FCHO2: variants seen among roughly 807,000 people sequenced by gnomAD.
FCHO2 encodes the protein FCH and mu domain containing endocytic adaptor 2.
In FCHO2, 43 loss-of-function variants were observed where a neutral mutation model predicts 114.1. The ratio of observed to expected loss-of-function variants is 0.38; its 90% confidence interval spans 0.30 to 0.49. The LOEUF (loss-of-function observed/expected upper bound fraction) is 0.49, where lower values mean the gene tolerates loss of function less well. Ranked by LOEUF, FCHO2 falls within the 20% of genes least tolerant of loss-of-function variation. The pLI is 0.97. For synonymous variants in FCHO2, 293 were observed against 315.2 expected, an observed-to-expected ratio of 0.93 and a Z score of 0.75; for missense variants, 807 against 950.4, an observed-to-expected ratio of 0.85 and a Z score of 1.98.
intron 1 of FCHO2, among the ~76,000 whole-genome samples, chr5:72,966,337 G>C (rs1465524284): frequency 6.6e-6 from 1 of 151,942 alleles, no homozygotes; most frequent in Non-Finnish European, 1.5e-5. Context: ...TGTTTTTTTA[G>C]AGACAGGTTC....
chr5:73,052,538 TAA>T (rs752408707), intron 13 of FCHO2, 31 bp downstream of exon 13: 12 of 1,515,326 alleles, frequency 7.9e-6, no homozygotes, highest in African/African-American at 4.2e-5. Context: ...ACTCTTTATA[TAA>T]AAGTCTTTAT....
intron 2 of FCHO2, among the ~76,000 whole-genome samples, chr5:72,969,856 AACAAGGGCAGGG>A (rs1286521793): frequency 6.6e-6 from 1 of 152,208 alleles, no homozygotes; most frequent in Non-Finnish European, 1.5e-5. Flanking sequence ...ATATAAACCC[AACAAGGGCAGGG>A]ATTTTTGTCT....
intron 11 of FCHO2, among the ~76,000 whole-genome samples, chr5:73,046,639 T>C (rs1220272612): frequency 6.6e-6 from 1 of 152,202 alleles, no homozygotes; most frequent in Non-Finnish European, 1.5e-5. Context: ...CATTCTGATT[T>C]CTAAAAGATT....
Position 73,006,603 on chromosome 5 carries a change from T to C in FCHO2, c.600+54T>C, listed in dbSNP as rs2290624. ...ACAGGGCATTTATATTTGTGTATAT[T>C]GATTAATTTTTCTCTCATATAATTT... On this transcript the variant is annotated intron_variant, in intron 6 of 25. Transcript: ENST00000430046. 2.0e-4 allele frequency: 239 copies of C among 1,204,888 alleles called. 1 individual carries two copies. In the East Asian group the frequency reaches 6.8e-3, roughly 34 times the overall value. 74.6% of individuals were successfully genotyped at this position (1,204,888 alleles called of 1,614,324 possible). A position where few individuals can be genotyped will look rare whatever the true frequency, so the allele number is the denominator to read the frequency against.
intron 19 of FCHO2, 146 bp downstream of exon 19, chr5:73,068,925 G>A (rs2112874822): frequency 1.1e-6 from 1 of 927,296 alleles, no homozygotes; most frequent in Non-Finnish European, 1.5e-6. Flanking sequence ...TTATTAAACT[G>A]TCCATGCTTT....
intron 1 of FCHO2, among the ~76,000 whole-genome samples, chr5:72,967,318 T>A (rs1333500180): frequency 6.6e-6 from 1 of 152,128 alleles, no homozygotes; most frequent in Non-Finnish European, 1.5e-5. Flanking sequence ...TCCCATTAAT[T>A]AAAGACTAGC....
At chr5:73,043,997 A>G (rs1437631981) in intron 11 of FCHO2, among the ~76,000 whole-genome samples, 1 of 152,162 alleles carries the variant, frequency 6.6e-6, no homozygotes, top group Non-Finnish European at 1.5e-5. Flanking sequence ...GTCAGGGGAT[A>G]GATCTCCCCC....
At chr5:73,019,833 A>G (rs1402913224) in intron 8 of FCHO2, among the ~76,000 whole-genome samples, 1 of 152,172 alleles carries the variant, frequency 6.6e-6, no homozygotes, top group Non-Finnish European at 1.5e-5. Flanking sequence ...ACCCATAGGC[A>G]TATTGCTATT....
chr5:73,023,245 A>G (rs1178840780), intron 8 of FCHO2, among the ~76,000 whole-genome samples: 2 of 152,244 alleles, frequency 1.3e-5, no homozygotes, highest in African/African-American at 2.4e-5. Flanking sequence ...TATGTATTTC[A>G]GGTGTAGGAT....
intron 8 of FCHO2, among the ~76,000 whole-genome samples, chr5:73,029,613 G>A (rs759706872): frequency 1.4e-4 from 21 of 152,118 alleles, no homozygotes; most frequent in Non-Finnish European, 2.5e-4. Flanking sequence ...TTAACTTGGC[G>A]CATGGTTCTA....
At chr5:73,025,212 T>C (rs1279237559) in intron 8 of FCHO2, among the ~76,000 whole-genome samples, 6 of 152,030 alleles carry the variant, frequency 3.9e-5, no homozygotes, top group Admixed American at 3.9e-4. Context: ...TGTTTGTTTG[T>C]TTTTTTCTTT....
intron 1 of FCHO2, 132 bp downstream of exon 1, chr5:72,956,261 CT>C: frequency 8.0e-7 from 1 of 1,252,972 alleles, no homozygotes; most frequent in Non-Finnish European, 1.1e-6. Context: ...CGCGTCCCGC[CT>C]GGGTGAGGTC....
intron 5 of FCHO2, chr5:72,996,927 G>A (rs1262041381): frequency 3.1e-6 from 5 of 1,597,970 alleles, no homozygotes; most frequent in Non-Finnish European, 1.7e-6. Context: ...AGGATGATGC[G>A]GACGCAGTGT....
At chr5:72,980,699 A>C (rs1302035070) in intron 2 of FCHO2, among the ~76,000 whole-genome samples, 2 of 152,174 alleles carry the variant, frequency 1.3e-5, no homozygotes, top group Non-Finnish European at 2.9e-5. Context: ...ACTGTTATGT[A>C]ATGGCCTTTG....
intron 5 of FCHO2, among the ~76,000 whole-genome samples, chr5:73,000,471 T>TAAAAAA (rs759939269): frequency 5.8e-4 from 43 of 74,430 alleles, no homozygotes; most frequent in African/African-American, 2.3e-3. Flanking sequence ...AACTCAGTCT[T>TAAAAAA]AAAAAAAAAA....
chr5:73,003,253 A>G lies in FCHO2; in HGVS notation c.496-3192A>G, dbSNP rs555707066. On this transcript the variant is annotated intron_variant, in intron 5 of 25. Transcript: ENST00000430046. Reference sequence around the variant, plus strand: ...GGTCTCGAACTCCTGGGCTCAAACTATTCTCTGCCTCTGCCTCCCTAAGAG... The same window carrying G: ...GGTCTCGAACTCCTGGGCTCAAACTGTTCTCTGCCTCTGCCTCCCTAAGAG... 1.4e-4 allele frequency among the ~76,000 whole-genome samples: 22 copies of G among 152,220 alleles called. No individual in the cohort carries two copies. In the South Asian group the frequency reaches 1.5e-3, roughly 10 times the overall value.
chr5:72,980,240 G>T (rs1316311677), intron 2 of FCHO2, among the ~76,000 whole-genome samples: 1 of 152,114 alleles, frequency 6.6e-6, no homozygotes, highest in Admixed American at 6.5e-5. Context: ...TTCAGTTTCC[G>T]TGTAGTTGTG....
chr5:73,015,707 C>A lies in FCHO2; in HGVS notation c.682C>A (p.His228Asn). 6.3e-7 allele frequency: 1 copy of A among 1,577,484 alleles called. No homozygotes were observed. The highest frequency in any genetic ancestry group is 1.2e-5 in the South Asian group (1 of 83,502). The change falls in exon 7 of 26, where the codon CAT becomes AAT. Residue 228 changes from histidine (H) to asparagine (N), a missense_variant. Coordinates refer to ENST00000430046, the MANE Select transcript of FCHO2 (RefSeq NM_138782.3). Reference sequence around the variant, plus strand: ...CTTGTCAAATGCTATAAAGGAAATTCATTTGCAGATAGGCCAGGTAAGTTT... The same window carrying A: ...CTTGTCAAATGCTATAAAGGAAATTAATTTGCAGATAGGCCAGGTAAGTTT... Reference protein sequence around the residue: ...GSLSNAIKEIHLQIGQVHEEF... With the variant: ...GSLSNAIKEINLQIGQVHEEF...
At chr5:72,978,750 A>T (rs1422334704) in intron 2 of FCHO2, among the ~76,000 whole-genome samples, 10 of 152,182 alleles carry the variant, frequency 6.6e-5, no homozygotes, top group African/African-American at 2.2e-4. Context: ...TGGGTTTGTC[A>T]TAAATAGCTC....
Sources: gnomAD v4.1 joint callset for allele counts (sites outside exome capture counted in the v4.1 genomes callset) on GRCh38, gnomAD v4.1.1 for gene constraint, MANE v1.5 for transcripts, NCBI Gene and HGNC (gene_info 2026-07-23, HGNC 2026-07-21) for gene names.